DIP2C: variants seen among roughly 807,000 people sequenced by gnomAD.
DIP2C encodes the protein disco-interacting protein 2 homolog C.
DIP2C carries 33 observed loss-of-function variants against 192.4 expected under a neutral mutation model. The observed-to-expected ratio is 0.17, with a 90% CI of 0.13 to 0.23. The LOEUF is 0.23. Among genes scored for constraint, DIP2C ranks in the 10% least tolerant of loss-of-function variants. DIP2C has a pLI of 1.00. For synonymous variants in DIP2C, 979 were observed against 864.1 expected (o/e 1.13, Z -2.33); for missense variants, 1,537 against 2,110.1 (o/e 0.73, Z 5.32).
At chr10:609,667 T>A (rs1189744321) in intron 1 of DIP2C, among the ~76,000 whole-genome samples, 1 of 152,238 alleles carries the variant, frequency 6.6e-6, no homozygotes, top group Non-Finnish European at 1.5e-5. Flanking sequence ...AACTTGTGTT[T>A]CTTTCCTTCT....
intron 1 of DIP2C, among the ~76,000 whole-genome samples, chr10:683,315 C>A (rs976551619): frequency 6.6e-6 from 1 of 152,246 alleles, no homozygotes; most frequent in Non-Finnish European, 1.5e-5. Flanking sequence ...CTACCCACAG[C>A]AGCCGGGTTT....
At chr10:528,540 G>A (rs1847190944) in intron 1 of DIP2C, among the ~76,000 whole-genome samples, 1 of 152,190 alleles carries the variant, frequency 6.6e-6, no homozygotes, top group African/African-American at 2.4e-5. Flanking sequence ...GCTTTTTGCT[G>A]GAGATGCGCT....
chr10:371,544 G>C (rs188558819), intron 17 of DIP2C, among the ~76,000 whole-genome samples: 6 of 152,240 alleles, frequency 3.9e-5, no homozygotes, highest in African/African-American at 1.4e-4. Flanking sequence ...CTCACGTGAC[G>C]ATGGAGGCAG....
At chr10:674,723 T>G (rs1453944534) in intron 1 of DIP2C, among the ~76,000 whole-genome samples, 1 of 144,300 alleles carries the variant, frequency 6.9e-6, no homozygotes, top group Admixed American at 7.1e-5. Flanking sequence ...GAGTCGAGAT[T>G]GCACCACTGC....
chr10:427,735 G>A (rs933494180), intron 4 of DIP2C, among the ~76,000 whole-genome samples: 1 of 152,136 alleles, frequency 6.6e-6, no homozygotes, highest in African/African-American at 2.4e-5. Flanking sequence ...CAATTAGAAT[G>A]GCAAAAATAA....
At chr10:396,834 G>GA (rs1206231608) in intron 10 of DIP2C, among the ~76,000 whole-genome samples, 3 of 62,788 alleles carry the variant, frequency 4.8e-5, no homozygotes, top group Non-Finnish European at 4.6e-5. Context: ...GGTGGGGGGG[G>GA]GGGAAACTGG....
intron 1 of DIP2C, among the ~76,000 whole-genome samples, chr10:597,067 C>T (rs1027662025): frequency 5.3e-5 from 8 of 152,186 alleles, no homozygotes; most frequent in East Asian, 1.9e-4. Flanking sequence ...GACCCATCCT[C>T]GCCAGTGTAG....
intron 17 of DIP2C, among the ~76,000 whole-genome samples, chr10:376,627 C>T (rs28653194): frequency 6.7e-6 from 1 of 149,238 alleles, no homozygotes; most frequent in African/African-American, 2.5e-5. Flanking sequence ...AAAGGTTTCT[C>T]TTTTAGATGG....
At chr10:526,551 G>A (rs965243285) in intron 1 of DIP2C, among the ~76,000 whole-genome samples, 5 of 149,916 alleles carry the variant, frequency 3.3e-5, no homozygotes, top group African/African-American at 1.2e-4. Flanking sequence ...AAAAAAATCC[G>A]TGGCATTTAA....
At chr10:355,718 T>C (rs535164145) in intron 24 of DIP2C, among the ~76,000 whole-genome samples, 1 of 152,360 alleles carries the variant, frequency 6.6e-6, no homozygotes, top group South Asian at 2.1e-4. Context: ...ACAGGAAATT[T>C]AATTACAAAG....
intron 31 of DIP2C, among the ~76,000 whole-genome samples, chr10:319,527 A>G (rs1214192422): frequency 6.6e-6 from 1 of 152,164 alleles, no homozygotes; most frequent in Non-Finnish European, 1.5e-5. Context: ...AGTGAACAAT[A>G]TCTCTAAATC....
intron 3 of DIP2C, among the ~76,000 whole-genome samples, chr10:467,528 TAA>T (rs1206466475): frequency 1.2e-4 from 2 of 16,264 alleles, no homozygotes; most frequent in Non-Finnish European, 6.8e-4. Flanking sequence ...ACTTAAAGTA[TAA>T]AAAAAAAATA....
At chr10:545,549 C>A (rs371851941) in intron 1 of DIP2C, among the ~76,000 whole-genome samples, 3 of 152,068 alleles carry the variant, frequency 2.0e-5, no homozygotes, top group East Asian at 3.9e-4. Context: ...AGAGAAGACG[C>A]CGTCTACACA....
At chr10:433,331 T>A (rs1966913655) in intron 4 of DIP2C, among the ~76,000 whole-genome samples, 1 of 152,246 alleles carries the variant, frequency 6.6e-6, no homozygotes, top group African/African-American at 2.4e-5. Context: ...CTCTGGTAAC[T>A]TCCCTTGATG....
chr10:622,396 G>T (rs1853927934), intron 1 of DIP2C, among the ~76,000 whole-genome samples: 2 of 132,260 alleles, frequency 1.5e-5, no homozygotes, highest in Admixed American at 1.5e-4. Context: ...GAGGGAGGAG[G>T]GGGAGGGAGG....
chr10:359,319 G>A (rs948439450), intron 22 of DIP2C, among the ~76,000 whole-genome samples: 3 of 152,180 alleles, frequency 2.0e-5, no homozygotes, highest in Non-Finnish European at 4.4e-5. Context: ...TGCCAGAAAC[G>A]ATTCCACTTA....
At chr10:296,847 T>A (rs143044289) in intron 32 of DIP2C, among the ~76,000 whole-genome samples, 2,150 of 128,548 alleles carry the variant, frequency 0.017, 28 homozygotes, top group Middle Eastern at 0.023. Context: ...ATGAGAACAC[T>A]TGGACACAGG....
chr10:423,802 GC>G (rs1468026413), intron 4 of DIP2C, among the ~76,000 whole-genome samples: 5 of 152,174 alleles, frequency 3.3e-5, no homozygotes, highest in African/African-American at 7.2e-5. Context: ...AGCAGAACGT[GC>G]CTCACGCGGA....
At chr10:448,130 C>T (rs1968454643) in intron 3 of DIP2C, among the ~76,000 whole-genome samples, 1 of 126,288 alleles carries the variant, frequency 7.9e-6, no homozygotes, top group Non-Finnish European at 1.5e-5. Context: ...CATCTATACT[C>T]AGGATCACAC....
Sources: gnomAD v4.1 joint callset for allele counts (sites outside exome capture counted in the v4.1 genomes callset) on GRCh38, gnomAD v4.1.1 for gene constraint, MANE v1.5 for transcripts, NCBI Gene and HGNC (gene_info 2026-07-23, HGNC 2026-07-21) for gene names.